Variants in EIF4E3 observed in about 807,000 individuals in gnomAD.
EIF4E3 encodes eukaryotic translation initiation factor 4E family member 3, also known as eukaryotic translation initiation factor 4E type 3.
A neutral mutation model predicts 31.7 loss-of-function variants in EIF4E3; 26 were observed. The ratio of observed to expected loss-of-function variants is 0.82; its 90% CI spans 0.60 to 1.14. EIF4E3 has a LOEUF of 1.14. EIF4E3 is among the 50% of genes most tolerant of loss of function. The pLI is 0.00. For missense variants in EIF4E3, 304 were observed against 270.9 expected, an observed-to-expected ratio of 1.12 and a Z score of -0.86; for synonymous variants, 128 against 107.7, an observed-to-expected ratio of 1.19 and a Z score of -1.17.
At chr3:71,672,379 C>G (rs185624350), downstream of EIF4E3, among the ~76,000 whole-genome samples, 113 of 152,298 alleles carry the variant, frequency 7.4e-4, 1 homozygote, top group East Asian at 0.016. Context: ...AAGTAATTTT[C>G]TCTTGTCAGG....
the EIF4E3 span, among the ~76,000 whole-genome samples, chr3:71,662,274 C>T: frequency 6.6e-6 from 1 of 152,128 alleles, no homozygotes. Flanking sequence ...TGGAATCACA[C>T]AGGGCTGTGG....
rs752804670 is a variant in EIF4E3, at chr3:71,699,679, A to G, written c.279T>C (p.Pro93=). The change falls in exon 3 of 7, where the codon CCT becomes CCC. Residue 93 remains proline, a synonymous_variant. Transcript: ENST00000425534. ...ATCTCAAAGGCAGGCTAGTCACAGG[A>G]GGGATATTATTGTATACACTCCAAA... ...QIFWSVYNNI[P]PVTSLPLRCS... is the part of the protein sequence containing the mutation. The G allele has an allele frequency of 3.1e-6, 5 of 1,613,546 alleles. No homozygotes were observed. In the East Asian group the frequency reaches 8.9e-5, roughly 29 times the overall value.
chr3:71,716,139 C>T (rs1047632993), intron 1 of EIF4E3, among the ~76,000 whole-genome samples: 2 of 152,130 alleles, frequency 1.3e-5, no homozygotes, highest in Non-Finnish European at 2.9e-5. Flanking sequence ...TGCAGGAAAG[C>T]GCTAGATGCC....
chr3:71,708,416 A>C (rs1261319971), intron 2 of EIF4E3, among the ~76,000 whole-genome samples: 1 of 152,198 alleles, frequency 6.6e-6, no homozygotes, highest in Non-Finnish European at 1.5e-5. Flanking sequence ...CCTTGTCAAA[A>C]GTTATACTTA....
At chr3:71,733,087 A>C (rs148777989) in intron 1 of EIF4E3, among the ~76,000 whole-genome samples, 3 of 152,170 alleles carry the variant, frequency 2.0e-5, no homozygotes, top group African/African-American at 7.2e-5. Context: ...CTCGTTGGGG[A>C]TCTAGAGACA....
chr3:71,752,841 G>C (rs2594110), intron 1 of EIF4E3, among the ~76,000 whole-genome samples: 48,981 of 152,196 alleles, frequency 0.32, 8,823 homozygotes, highest in Middle Eastern at 0.49. Context: ...GGTCCAGGCA[G>C]AGGTACCAGC....
intron 1 of EIF4E3, among the ~76,000 whole-genome samples, chr3:71,720,925 G>A (rs749565782): frequency 6.6e-6 from 1 of 152,280 alleles, no homozygotes; most frequent in Non-Finnish European, 1.5e-5. Flanking sequence ...GGATGGAGGA[G>A]GGTGCTTGAG....
Position 71,725,103 on chromosome 3 carries a change from G to A in EIF4E3, c.176+89C>T. On this transcript the variant is annotated intron_variant, in intron 1 of 6. Transcript: ENST00000425534. This position sits in a 1 kb window ranked among gnomAD's most constrained non-coding sequence, Gnocchi z 6.1. ...GAGGTCTGTGCCACAGCGGAGCGGG[G>A]CCGGGGCGAGGGGCCGCGCCGAGAC... 28 of 936,884 alleles carry A rather than the reference G, an allele frequency of 3.0e-5. No homozygotes were observed. Among genetic ancestry groups the A allele is most frequent in the Non-Finnish European group, 3.5e-5 (27 of 781,300 alleles). 58.0% of individuals were successfully genotyped at this position (936,884 alleles called of 1,614,324 possible).
At chr3:71,724,931 G>A (rs1393912129) in intron 1 of EIF4E3, among the ~76,000 whole-genome samples, 2 of 152,184 alleles carry the variant, frequency 1.3e-5, no homozygotes, top group Non-Finnish European at 2.9e-5. Context: ...ACAAGGGGTA[G>A]AAAGTGTTGC....
intron 2 of EIF4E3, among the ~76,000 whole-genome samples, chr3:71,708,910 T>G (rs1198995282): frequency 1.3e-5 from 2 of 152,174 alleles, no homozygotes; most frequent in Non-Finnish European, 2.9e-5. Context: ...GCTGCTCTGC[T>G]TCCCACAAGC....
the EIF4E3 span, among the ~76,000 whole-genome samples, chr3:71,664,553 T>A: frequency 5.6e-3 from 854 of 152,232 alleles, 6 homozygotes; most frequent in African/African-American, 0.02. Context: ...ACCTTGGGGC[T>A]TACTGGGACT....
At chr3:71,704,362 G>A (rs1273667799) in intron 2 of EIF4E3, among the ~76,000 whole-genome samples, 4 of 152,142 alleles carry the variant, frequency 2.6e-5, no homozygotes, top group Non-Finnish European at 5.9e-5. Context: ...CCTGCTTCCT[G>A]GTACAGCCCA....
chr3:71,739,035 T>A, intron 1 of EIF4E3, among the ~76,000 whole-genome samples: 1 of 132,474 alleles, frequency 7.5e-6, no homozygotes, highest in Admixed American at 7.4e-5. Context: ...TCAAAGAAAA[T>A]TCAAAGATAC....
In EIF4E3 at chr3:71,725,286, G is replaced by GGGCGGCGGC. The variant is rs888356143; in HGVS notation, c.73_81dup (p.Ala25_Ala27dup). ...TGCTGCAGGCCGAGCGGCGGCTCGG[G>GGGCGGCGGC]GGCGGCGGCAGCGGCGGCGGCGCGG... On this transcript the variant is annotated inframe_insertion, in exon 1 of 7. Transcript: ENST00000425534. This position sits in a 1 kb window ranked among gnomAD's most constrained non-coding sequence, Gnocchi z 6.1. 9.9e-7 allele frequency: 1 copy of GGGCGGCGGC among 1,012,192 alleles called. No homozygotes were observed. The highest frequency in any genetic ancestry group is 1.2e-6 in the Non-Finnish European group (1 of 848,858). 62.7% of individuals were successfully genotyped at this position (1,012,192 alleles called of 1,614,324 possible).
At chr3:71,663,277 TA>T in the EIF4E3 span, among the ~76,000 whole-genome samples, 1 of 152,282 alleles carries the variant, frequency 6.6e-6, no homozygotes, top group African/African-American at 2.4e-5. Context: ...CAAATTTCCC[TA>T]AACATGTAAT....
upstream of EIF4E3, among the ~76,000 whole-genome samples, chr3:71,726,012 C>G (rs113219171): frequency 3.6e-3 from 554 of 152,234 alleles, 4 homozygotes; most frequent in African/African-American, 0.011. Flanking sequence ...GAGTACAGAA[C>G]AAAGGGCGAG....
intron 1 of EIF4E3, among the ~76,000 whole-genome samples, chr3:71,715,137 T>C (rs2049445575): frequency 6.6e-6 from 1 of 152,218 alleles, no homozygotes; most frequent in Admixed American, 6.5e-5. Context: ...GAGGAGGTGC[T>C]ACTGGCATGT....
chr3:71,750,961 A>T (rs1388525640), intron 1 of EIF4E3, among the ~76,000 whole-genome samples: 3 of 151,694 alleles, frequency 2.0e-5, no homozygotes, highest in Non-Finnish European at 4.4e-5. Context: ...ACGGGGTTTC[A>T]CCGTGTTAGC....
At position 71,710,406 on chromosome 3, in the gene EIF4E3, T is replaced by C; in HGVS notation, c.249+6A>G. On this transcript the variant is annotated splice_donor_region_variant and intron_variant, in intron 2 of 6. Coordinates refer to ENST00000425534, the MANE Select transcript of EIF4E3 (RefSeq NM_001134651.2). ...TTAATCCAGTTAGTCCCTCTCTTGA[T>C]CTTACCTGTACTGTCTGTACTGTGT... 1 of 1,552,044 alleles carries C rather than the reference T, an allele frequency of 6.4e-7. No homozygotes were observed. The highest frequency in any genetic ancestry group is 8.7e-7 in the Non-Finnish European group (1 of 1,147,022).
Sources: allele counts gnomAD v4.1 joint callset (sites outside exome capture counted in the v4.1 genomes callset), GRCh38; gene constraint gnomAD v4.1.1; non-coding constraint Gnocchi (gnomAD v3.1); transcripts MANE v1.5; gene names NCBI Gene and HGNC (gene_info 2026-07-23, HGNC 2026-07-21).